Variants in ATRNL1 observed in about 807,000 individuals in gnomAD.
The protein encoded by ATRNL1 is attractin like 1, also known as attractin-like protein 1.
ATRNL1 carries 95 observed loss-of-function variants against 182.7 expected under a neutral mutation model. The ratio of observed to expected loss-of-function variants is 0.52; its 90% CI spans 0.44 to 0.62. The LOEUF (loss-of-function observed/expected upper bound fraction) is 0.62. ATRNL1 is among the 20% of genes least tolerant of loss of function. The pLI is 0.00. For missense variants in ATRNL1, 1,471 were observed against 1,679.5 expected, an observed-to-expected ratio of 0.88 and a Z score of 2.17; for synonymous variants, 576 against 568.3, an observed-to-expected ratio of 1.01 and a Z score of -0.19.
At position 115,198,647 on chromosome 10, in the gene ATRNL1, T is replaced by G. The variant is rs149579035; in HGVS notation, c.1349-17050T>G. 9.3e-3 allele frequency among the ~76,000 whole-genome samples: 1,410 copies of G among 152,296 alleles called. 10 individuals carry two copies. The highest frequency in any genetic ancestry group is 0.015 in the Admixed American group (230 of 15,282). On this transcript the variant is annotated intron_variant, in intron 8 of 28. Coordinates refer to ENST00000355044, the MANE Select transcript of ATRNL1 (RefSeq NM_207303.4). ...TAGTTTTACCATTTCGTGTCTTATC[T>G]TTAAGTCTTTAATCCATTTTTAGTT...
chr10:115,529,299 C>A (rs1327295031), intron 25 of ATRNL1, among the ~76,000 whole-genome samples: 3 of 151,640 alleles, frequency 2.0e-5, no homozygotes, highest in East Asian at 3.9e-4. Context: ...TATAGTATTT[C>A]TTTATTAGAA....
intron 27 of ATRNL1, among the ~76,000 whole-genome samples, chr10:115,732,764 CA>C (rs1370732741): frequency 1.3e-5 from 2 of 151,982 alleles, no homozygotes; most frequent in East Asian, 3.9e-4. Context: ...GATTTTCGTT[CA>C]AATTGAGAAG....
At chr10:115,522,543 G>A (rs1448567798) in intron 25 of ATRNL1, among the ~76,000 whole-genome samples, 1 of 152,096 alleles carries the variant, frequency 6.6e-6, no homozygotes, top group Non-Finnish European at 1.5e-5. Context: ...TATGTGCTTT[G>A]GAGGGTCAAA....
At chr10:115,441,816 T>G (rs1846695156) in intron 21 of ATRNL1, among the ~76,000 whole-genome samples, 1 of 152,122 alleles carries the variant, frequency 6.6e-6, no homozygotes, top group East Asian at 1.9e-4. Context: ...TCTGAAAGCC[T>G]TCTTTGATTC....
At chr10:115,411,173 T>G (rs1365288485) in intron 20 of ATRNL1, among the ~76,000 whole-genome samples, 1 of 151,368 alleles carries the variant, frequency 6.6e-6, no homozygotes, top group Non-Finnish European at 1.5e-5. Context: ...TTATGTATCT[T>G]GACAAGGTAT....
intron 19 of ATRNL1, among the ~76,000 whole-genome samples, chr10:115,345,497 C>CA (rs1855936697): frequency 1.3e-5 from 2 of 152,128 alleles, no homozygotes; most frequent in Admixed American, 6.6e-5. Flanking sequence ...CTGATGTTGG[C>CA]AATTGGAGAA....
chr10:115,783,826 A>G (rs1949329229), intron 27 of ATRNL1, among the ~76,000 whole-genome samples: 1 of 152,116 alleles, frequency 6.6e-6, no homozygotes, highest in African/African-American at 2.4e-5. Context: ...CATCCTGGCC[A>G]ACACAGTGTA....
chr10:115,313,995 C>A (rs1554928783), intron 17 of ATRNL1, among the ~76,000 whole-genome samples: 1 of 151,942 alleles, frequency 6.6e-6, no homozygotes, highest in Non-Finnish European at 1.5e-5. Context: ...TGTTTTAAAC[C>A]AACAAAACTA....
Position 115,341,295 on chromosome 10 carries a change from A to C in ATRNL1, c.3175+6876A>C, listed in dbSNP as rs534875332. Among the ~76,000 whole-genome samples, 20 of 152,148 alleles carry C rather than the reference A, an allele frequency of 1.3e-4. No homozygotes were observed. The East Asian group carries it at 3.7e-3, about 28-fold the overall frequency. Reference sequence around the variant, plus strand: ...TGACCCTCTGGTCATTCAGGAGCATATTGTTTAATTTCCATGTATTTGTAA... The same window carrying C: ...TGACCCTCTGGTCATTCAGGAGCATCTTGTTTAATTTCCATGTATTTGTAA... On this transcript the variant is annotated intron_variant, in intron 19 of 28. Coordinates refer to ENST00000355044, the MANE Select transcript of ATRNL1 (RefSeq NM_207303.4).
At chr10:115,153,122 G>T (rs929392228) in intron 5 of ATRNL1, among the ~76,000 whole-genome samples, 1 of 152,058 alleles carries the variant, frequency 6.6e-6, no homozygotes, top group Non-Finnish European at 1.5e-5. Flanking sequence ...GGTTTGCCAG[G>T]ATTTTATTGA....
chr10:115,118,208 G>A (rs549085364), intron 1 of ATRNL1, among the ~76,000 whole-genome samples: 17 of 152,108 alleles, frequency 1.1e-4, no homozygotes, highest in Non-Finnish European at 2.4e-4. Flanking sequence ...AACTTGATGT[G>A]ATCCCATTTG....
intron 26 of ATRNL1, among the ~76,000 whole-genome samples, chr10:115,559,832 C>A (rs1853583407): frequency 6.6e-6 from 1 of 152,106 alleles, no homozygotes; most frequent in Admixed American, 6.5e-5. Context: ...AGGAACAAGT[C>A]AAGGATGTCC....
At chr10:115,590,806 A>G (rs1855852940) in intron 26 of ATRNL1, among the ~76,000 whole-genome samples, 1 of 152,202 alleles carries the variant, frequency 6.6e-6, no homozygotes, top group Non-Finnish European at 1.5e-5. Context: ...AGATGGACAC[A>G]TATAGTAGTC....
intron 1 of ATRNL1, among the ~76,000 whole-genome samples, chr10:115,095,700 GT>G (rs1222798992): frequency 6.6e-6 from 1 of 150,394 alleles, no homozygotes; most frequent in Non-Finnish European, 1.5e-5. Flanking sequence ...CTTGTTAGTT[GT>G]TTTTTTTTGC....
In ATRNL1 at chr10:115,845,511, T is replaced by C. The variant is rs576656697; in HGVS notation, c.3904-2366T>C. ...TTAATTTTTTTCTCCGTTGATGCTG[T>C]TGATGATTTGATGTTTTGAAATATT... is the stretch of plus-strand genomic sequence containing the variant. On this transcript the variant is annotated intron_variant, in intron 27 of 28. Transcript: ENST00000355044. 3.9e-5 allele frequency among the ~76,000 whole-genome samples: 6 copies of C among 152,144 alleles called. No homozygotes were observed. The South Asian group carries it at 1.2e-3, about 32-fold the overall frequency.
At chr10:115,366,091 T>C (rs1265057554) in intron 19 of ATRNL1, among the ~76,000 whole-genome samples, 1 of 151,954 alleles carries the variant, frequency 6.6e-6, no homozygotes, top group Non-Finnish European at 1.5e-5. Context: ...TTCTGTCTCG[T>C]TGATCTGTCT....
rs957833775 is a variant in ATRNL1 at position 115,259,869 on chromosome 10, A to T, written c.1688-5324A>T. On this transcript the variant is annotated intron_variant, in intron 10 of 28. Transcript: ENST00000355044. ...CACAGATATTCCAGTAGCTTGCATT[A>T]CATTGATACATTCAACTTCTAGGGA... Among the ~76,000 whole-genome samples the T allele has an allele frequency of 3.9e-5, 6 of 152,332 alleles. No individual in the cohort carries two copies. In the South Asian group the frequency reaches 1.2e-3, roughly 32 times the overall value.
chr10:115,644,255 A>G (rs1859456157), intron 26 of ATRNL1, among the ~76,000 whole-genome samples: 2 of 152,096 alleles, frequency 1.3e-5, no homozygotes, highest in Non-Finnish European at 2.9e-5. Context: ...AACCAATCAC[A>G]TTGAGCTTGT....
At chr10:115,591,454 T>C (rs1469774835) in intron 26 of ATRNL1, among the ~76,000 whole-genome samples, 4 of 152,204 alleles carry the variant, frequency 2.6e-5, no homozygotes, top group Non-Finnish European at 4.4e-5. Flanking sequence ...TGGAGAGGTC[T>C]CTACTTCACC....
Sources: allele counts gnomAD v4.1 joint callset (sites outside exome capture counted in the v4.1 genomes callset), GRCh38; gene constraint gnomAD v4.1.1; transcripts MANE v1.5; gene names NCBI Gene and HGNC (gene_info 2026-07-23, HGNC 2026-07-21).